IL7R: variants seen among roughly 807,000 people sequenced by gnomAD.
The protein encoded by IL7R is interleukin 7 receptor.
In IL7R, 38 loss-of-function variants were observed where a neutral mutation model predicts 47.0. The ratio of observed to expected loss-of-function variants is 0.81; its 90% CI spans 0.62 to 1.06. IL7R has a LOEUF of 1.06. IL7R is among the 50% of genes least tolerant of loss of function. IL7R has a pLI of 0.00. For synonymous variants in IL7R, 221 were observed against 199.8 expected (o/e 1.11, Z -0.89); for missense variants, 633 against 534.8 (o/e 1.18, Z -1.81).
intron 1 of IL7R, among the ~76,000 whole-genome samples, chr5:35,859,177 C>T (rs1580850180): frequency 6.6e-6 from 1 of 152,224 alleles, no homozygotes; most frequent in South Asian, 2.1e-4. Flanking sequence ...TATGCTTTGC[C>T]AGACTGAGTG....
intron 7 of IL7R, 85 bp from the exon 8 acceptor site, chr5:35,875,898 C>T: frequency 7.0e-7 from 1 of 1,436,776 alleles, no homozygotes; most frequent in African/African-American, 1.4e-5. Context: ...TGTCAGAAAA[C>T]TCTATAGACC....
chr5:35,860,689 A>T (rs2149895467), intron 1 of IL7R, among the ~76,000 whole-genome samples, 163 bp from the exon 2 acceptor site: 1 of 151,926 alleles, frequency 6.6e-6, no homozygotes, highest in Non-Finnish European at 1.5e-5. Flanking sequence ...GTTTTGAAGC[A>T]TTTTTCTTGT....
At position 35,876,198 on chromosome 5, in the gene IL7R, T is replaced by G. The variant is rs201216012; in HGVS notation, c.1092T>G (p.Asp364Glu). 1.0e-3 allele frequency: 1,668 copies of G among 1,614,154 alleles called. 35 individuals carry two copies. The South Asian group carries it at 0.017, about 17-fold the overall frequency. Residue 364 changes from aspartate (D) to glutamate (E), a missense_variant, in exon 8 of 8, where the codon GAT becomes GAG. By Grantham distance (45) the Asp-to-Glu change is conservative. Coordinates refer to ENST00000303115, the MANE Select transcript of IL7R (RefSeq NM_002185.5). ...VVITPESFGR[D>E]SSLTCLAGNV... The stretch of plus-strand genomic sequence containing the variant: ...TCACTCCAGAAAGCTTTGGAAGAGA[T>G]TCATCCCTCACATGCCTGGCTGGGA...
intron 4 of IL7R, chr5:35,873,101 G>A (rs760631796): frequency 6.4e-5 from 16 of 249,756 alleles, no homozygotes; most frequent in Admixed American, 3.4e-4. Flanking sequence ...GTAAAATGGC[G>A]TCTTTCTGGA....
intron 2 of IL7R, among the ~76,000 whole-genome samples, chr5:35,867,068 A>T (rs1422245291): frequency 6.6e-6 from 1 of 152,172 alleles, no homozygotes; most frequent in East Asian, 1.9e-4. Flanking sequence ...ATATGTCTTG[A>T]CTATTTCAGG....
At position 35,862,901 on chromosome 5, in the gene IL7R, C is replaced by T. The variant is rs11567715; in HGVS notation, c.221+1911C>T. The stretch of plus-strand genomic sequence containing the variant: ...TAAAATTCAGAAATGGGACCCCGCT[C>T]CCAGTCTCCCCTTCTATATTTATTT... On this transcript the variant is annotated intron_variant, in intron 2 of 7. Transcript: ENST00000303115. 2.8e-4 allele frequency among the ~76,000 whole-genome samples: 42 copies of T among 152,166 alleles called. No homozygotes were observed. The South Asian group carries it at 4.8e-3, about 17-fold the overall frequency.
In IL7R at chr5:35,871,170, A is replaced by C. The variant is rs747236451; in HGVS notation, c.494A>C (p.His165Pro). 1.2e-6 allele frequency: 2 copies of C among 1,613,430 alleles called. No homozygotes were observed. The highest frequency in any genetic ancestry group is 1.7e-6 in the Non-Finnish European group (2 of 1,179,342). The change falls in exon 4 of 8, where the codon CAC becomes CCC. Residue 165 changes from histidine to proline, a missense_variant. By Grantham distance (77) the His-to-Pro change is moderately conservative (BLOSUM62 -2). Coordinates refer to ENST00000303115, the MANE Select transcript of IL7R (RefSeq NM_002185.5). Reference sequence around the variant, plus strand: ...AAGAAGTATGTAAAAGTTTTAATGCACGATGTAGCTTACCGCCAGGAAAAG... The same window carrying C: ...AAGAAGTATGTAAAAGTTTTAATGCCCGATGTAGCTTACCGCCAGGAAAAG... Reference protein sequence around the residue: ...LQKKYVKVLMHDVAYRQEKDE... With the variant: ...LQKKYVKVLMPDVAYRQEKDE...
chr5:35,869,969 C>G (rs912450033), intron 3 of IL7R, among the ~76,000 whole-genome samples: 1 of 152,184 alleles, frequency 6.6e-6, no homozygotes, highest in South Asian at 2.1e-4. Context: ...AGAGCTAGGC[C>G]AAACTCTGCC....
Position 35,867,438 on chromosome 5 carries a change from C to T in IL7R, c.354C>T (p.Cys118=), listed in dbSNP as rs1185585286. ...AGGTTGGAGAAAAGAGTCTAACCTGCAAAAAAATAGACCTAACCACTATAG... is the reference window on the plus strand; with the variant it reads ...AGGTTGGAGAAAAGAGTCTAACCTGTAAAAAAATAGACCTAACCACTATAG... ...CVKVGEKSLT[C]KKIDLTTIVK... is the part of the protein sequence containing the mutation. The change falls in exon 3 of 8, where the codon TGC becomes TGT. Residue 118 remains cysteine (C), a synonymous_variant. Transcript: ENST00000303115. The T allele has an allele frequency of 6.2e-7, 1 of 1,612,214 alleles. No individual in the cohort carries two copies. Among genetic ancestry groups the T allele is most frequent in the Non-Finnish European group, 8.5e-7 (1 of 1,179,318 alleles).
intron 6 of IL7R, 24 bp downstream of exon 6, chr5:35,874,566 A>G (rs1760159613): frequency 6.7e-7 from 1 of 1,492,330 alleles, no homozygotes; most frequent in Middle Eastern, 1.7e-4. Flanking sequence ...ACTAATAAAG[A>G]GGGTGATTGT....
At position 35,856,940 on chromosome 5, in the gene IL7R, G is replaced by A; in HGVS notation, c.-38G>A. On this transcript the variant is annotated 5_prime_UTR_variant, in exon 1 of 8. Coordinates refer to ENST00000303115, the MANE Select transcript of IL7R (RefSeq NM_002185.5). ...TACTCTCATTCATTTCATACACACT[G>A]GCTCACACATCTACTCTCTCTCTCT... 8.6e-7 allele frequency: 1 copy of A among 1,161,106 alleles called. No homozygotes were observed. The highest frequency in any genetic ancestry group is 1.5e-5 in the African/African-American group (1 of 66,128). 71.9% of individuals were successfully genotyped at this position (1,161,106 alleles called of 1,614,324 possible).
intron 1 of IL7R, among the ~76,000 whole-genome samples, chr5:35,857,537 G>A (rs1580848804): frequency 6.6e-6 from 1 of 152,162 alleles, no homozygotes; most frequent in Non-Finnish European, 1.5e-5. Context: ...ACCTAAATCA[G>A]TGGCTAGAAT....
rs1760169367 is a variant in IL7R at position 35,875,040 on chromosome 5, T to G, written c.801-472T>G. 2.6e-5 allele frequency among the ~76,000 whole-genome samples: 4 copies of G among 152,216 alleles called. No individual in the cohort carries two copies. The South Asian group carries it at 6.2e-4, about 24-fold the overall frequency. ...ATTACAAATACCCTAATTTGAAAAG[T>G]ACTGCCTGGAAAGTACTAAGCAATT... On this transcript the variant is annotated intron_variant, in intron 6 of 7. Coordinates refer to ENST00000303115, the MANE Select transcript of IL7R (RefSeq NM_002185.5).
At chr5:35,873,214 G>A (rs189312183) in intron 4 of IL7R, 4 of 496,602 alleles carry the variant, frequency 8.1e-6, no homozygotes, top group African/African-American at 3.9e-5. Context: ...TGGAAAGGGA[G>A]ATCCTGGGCA....
chr5:35,860,947 G>A lies in IL7R; in HGVS notation c.178G>A (p.Glu60Lys), dbSNP rs772586152. The change falls in exon 2 of 8, where the codon GAG (glutamate) becomes AAG (lysine). Residue 60 changes from glutamate (E) to lysine (K), a missense_variant. Transcript: ENST00000303115. ...GCAGCACTCACTGACCTGTGCTTTT[G>A]AGGACCCAGATGTCAACATCACCAA... Reference protein sequence around the residue: ...GSQHSLTCAFEDPDVNITNLE... With the variant: ...GSQHSLTCAFKDPDVNITNLE... 5.6e-6 allele frequency: 9 copies of A among 1,613,576 alleles called. No homozygotes were observed. The East Asian group carries it at 2.0e-4, about 36-fold the overall frequency.
At chr5:35,865,303 G>A (rs1759914110) in intron 2 of IL7R, among the ~76,000 whole-genome samples, 2 of 152,036 alleles carry the variant, frequency 1.3e-5, no homozygotes, top group African/African-American at 4.8e-5. Context: ...CCTTTTTTAT[G>A]GCTGCATAGT....
intron 1 of IL7R, among the ~76,000 whole-genome samples, chr5:35,857,962 G>A (rs981541114): frequency 7.2e-5 from 11 of 152,120 alleles, no homozygotes; most frequent in African/African-American, 2.4e-4. Context: ...ATGTAATTAC[G>A]AAGGATGGAA....
intron 7 of IL7R, 161 bp from the exon 8 acceptor site, chr5:35,875,822 G>C: frequency 1.2e-6 from 1 of 864,258 alleles, no homozygotes; most frequent in Non-Finnish European, 1.9e-6. Context: ...AAGTCTTGAA[G>C]TGTCTCAGAA....
At chr5:35,857,379 A>C (rs1461520640) in intron 1 of IL7R, among the ~76,000 whole-genome samples, 1 of 152,122 alleles carries the variant, frequency 6.6e-6, no homozygotes, top group Non-Finnish European at 1.5e-5. Context: ...TTGTAGGAAA[A>C]TGTCCAAAGT....
Sources: gnomAD v4.1 joint callset for allele counts (sites outside exome capture counted in the v4.1 genomes callset) on GRCh38, gnomAD v4.1.1 for gene constraint, MANE v1.5 for transcripts, NCBI Gene and HGNC (gene_info 2026-07-23, HGNC 2026-07-21) for gene names.